HECTD4: variants seen among roughly 807,000 people sequenced by gnomAD.
HECTD4 encodes HECT domain E3 ubiquitin protein ligase 4.
A neutral mutation model predicts 471.5 loss-of-function variants in HECTD4; 114 were observed. The ratio of observed to expected loss-of-function variants is 0.24; its 90% CI spans 0.21 to 0.28. HECTD4 has a LOEUF of 0.28. HECTD4 is among the 10% of genes least tolerant of loss of function. The pLI is 1.00. For synonymous variants in HECTD4, 2,012 were observed against 2,256.0 expected (o/e 0.89, Z 3.07); for missense variants, 3,866 against 5,651.5 (o/e 0.68, Z 10.13).
chr12:112,245,711 T>C (rs76736770), intron 29 of HECTD4, among the ~76,000 whole-genome samples: 2 of 152,242 alleles, frequency 1.3e-5, no homozygotes, highest in South Asian at 2.1e-4. Context: ...ATTTAAGAAC[T>C]TGTTTATTTA....
chr12:112,297,116 G>A lies in HECTD4; in HGVS notation c.1335+8948C>T, dbSNP rs192317153. On this transcript the variant is annotated intron_variant, in intron 7 of 75. Coordinates refer to ENST00000682272, the MANE Select transcript of HECTD4 (RefSeq NM_001388303.1). ...AGGTGCAGAGGGTGTAGGTGCTGTG[G>A]ATGTAGGTGCAGAGGGTGTAGGTAC... 4.4e-3 allele frequency among the ~76,000 whole-genome samples: 305 copies of A among 69,950 alleles called. No homozygotes were observed. In the East Asian group the frequency reaches 0.063, roughly 14 times the overall value. 45.9% of individuals were successfully genotyped at this position (69,950 alleles called of 152,430 possible).
chr12:112,256,726 C>CT (rs1029364106), intron 20 of HECTD4: 2,651 of 332,588 alleles, frequency 8.0e-3, no homozygotes, highest in Middle Eastern at 0.019. Context: ...ATTATACTTG[C>CT]TTTTTTTTTT....
At chr12:112,191,303 G>C (rs2032071614) in intron 59 of HECTD4, among the ~76,000 whole-genome samples, 1 of 152,174 alleles carries the variant, frequency 6.6e-6, no homozygotes, top group African/African-American at 2.4e-5. Context: ...TGCCTCACTG[G>C]GATATTCCCA....
At chr12:112,278,641 C>G (rs1442057427) in intron 9 of HECTD4, among the ~76,000 whole-genome samples, 1 of 152,104 alleles carries the variant, frequency 6.6e-6, no homozygotes, top group East Asian at 1.9e-4. Context: ...GCCTGTAATC[C>G]CAGCACTTTG....
Position 112,184,287 on chromosome 12 carries a change from T to C in HECTD4, c.10679A>G (p.Glu3560Gly). ...GSLGEPLDNA[E>G]TASVSDMGSM... ...GCCCATGTCCGACACCGAGGCCGTC[T>C]CTGCATTGTCCAGGGGCTCCCCCAG... The change falls in exon 61 of 76, where the codon GAG (glutamate) becomes GGG (glycine). Residue 3560 changes from glutamate (E) to glycine (G), a missense_variant. Physicochemically the swap from Glu to Gly is moderately conservative, Grantham distance 98 (BLOSUM62 -2). This residue lies in a region of HECTD4 where 192 missense variants were observed against 189.9 expected (regional missense o/e 1.01). Coordinates refer to ENST00000682272, the MANE Select transcript of HECTD4 (RefSeq NM_001388303.1). The surrounding 1 kb of genome is among the most constrained non-coding windows in gnomAD (Gnocchi z 9.1). The C allele has an allele frequency of 1.2e-6, 2 of 1,613,556 alleles. No individual in the cohort carries two copies. Among genetic ancestry groups the C allele is most frequent in the South Asian group, 2.2e-5 (2 of 91,080 alleles).
At chr12:112,367,486 C>G (rs551785285) in intron 1 of HECTD4, among the ~76,000 whole-genome samples, 1 of 151,994 alleles carries the variant, frequency 6.6e-6, no homozygotes, top group Admixed American at 6.6e-5. Context: ...AGGTTCAGAA[C>G]CCCTGAGGGA....
At chr12:112,206,387 C>T (rs530577765) in intron 52 of HECTD4, among the ~76,000 whole-genome samples, 11 of 152,096 alleles carry the variant, frequency 7.2e-5, no homozygotes, top group East Asian at 5.8e-4. Flanking sequence ...CCCAGGTACT[C>T]GGGAAGCTGA....
At chr12:112,375,227 CA>C (rs1315737164) in intron 1 of HECTD4, among the ~76,000 whole-genome samples, 1 of 152,202 alleles carries the variant, frequency 6.6e-6, no homozygotes, top group African/African-American at 2.4e-5. Flanking sequence ...ACCAACGGTT[CA>C]TTCGTTTTTG....
chr12:112,250,890 A>C, intron 24 of HECTD4, 81 bp downstream of exon 24: 1 of 1,382,312 alleles, frequency 7.2e-7, no homozygotes, highest in Middle Eastern at 1.9e-4. Context: ...ATCACCTGGG[A>C]AATGTACCAA....
At chr12:112,230,637 T>A (rs748371300) in intron 40 of HECTD4, 50 bp downstream of exon 40, 1 of 1,545,328 alleles carries the variant, frequency 6.5e-7, no homozygotes, top group Non-Finnish European at 8.8e-7. Flanking sequence ...ATTCTAATTC[T>A]AATTAGCTTA....
In HECTD4 at chr12:112,273,849, A is replaced by G. The variant is rs118082113; in HGVS notation, c.1802-54T>C. The G allele has an allele frequency of 1.0e-3, 1,608 of 1,589,690 alleles. 29 individuals carry two copies. The East Asian group carries it at 0.022, about 22-fold the overall frequency. ...ACCATGCCACCAGCTACCTGTATAC[A>G]TATTTCTCACAAGCACTGCTACAAA... is the stretch of plus-strand genomic sequence containing the variant. On this transcript the variant is annotated intron_variant, in intron 10 of 75. Transcript: ENST00000682272.
intron 7 of HECTD4, among the ~76,000 whole-genome samples, chr12:112,290,844 G>A (rs1026336995): frequency 5.8e-5 from 7 of 121,602 alleles, no homozygotes; most frequent in African/African-American, 1.4e-4. Context: ...GCGAAACTCC[G>A]TCTCAAAAAA....
chr12:112,247,958 G>T, intron 27 of HECTD4, 109 bp downstream of exon 27: 1 of 722,520 alleles, frequency 1.4e-6, no homozygotes, highest in Non-Finnish European at 2.2e-6. Context: ...AACATTTTAG[G>T]AAATGACATT....
intron 7 of HECTD4, chr12:112,302,496 G>C: frequency 1.4e-6 from 1 of 740,266 alleles, no homozygotes; most frequent in Non-Finnish European, 2.5e-6. Context: ...CTGACATAGC[G>C]GGCCATTTCA....
At chr12:112,231,367 G>A in intron 39 of HECTD4, 146 bp downstream of exon 39, 3 of 711,180 alleles carry the variant, frequency 4.2e-6, no homozygotes, top group Non-Finnish European at 4.9e-6. Context: ...ACTCCAGGCT[G>A]TACCTTGAGT....
chr12:112,216,884 T>A lies in HECTD4; in HGVS notation c.7274A>T (p.Tyr2425Phe), dbSNP rs151140008. 4.4e-4 allele frequency: 713 copies of A among 1,614,006 alleles called. 9 individuals carry two copies. In the East Asian group the frequency reaches 0.014, roughly 32 times the overall value. The change falls in exon 47 of 76, where the codon TAT (tyrosine) becomes TTT (phenylalanine). Residue 2425 changes from tyrosine (Y) to phenylalanine (F), a missense_variant. Tyr to Phe is a conservative substitution (Grantham distance 22). This residue lies in a region of HECTD4 where 617 missense variants were observed against 915.1 expected (regional missense o/e 0.67). Coordinates refer to ENST00000682272, the MANE Select transcript of HECTD4 (RefSeq NM_001388303.1). ...SFYWEIEIVS[Y>F]GDTDDDTGPI... Reference sequence around the variant, plus strand: ...TCCGGTGTCATCATCGGTGTCTCCATAGGAAACGATTTCAATTTCCCAGTA... The same window carrying A: ...TCCGGTGTCATCATCGGTGTCTCCAAAGGAAACGATTTCAATTTCCCAGTA...
Position 112,239,241 on chromosome 12 carries a change from C to A in HECTD4, c.5106-5G>T. 6.2e-7 allele frequency: 1 copy of A among 1,608,534 alleles called. No individual in the cohort carries two copies. Among genetic ancestry groups the A allele is most frequent in the South Asian group, 1.1e-5 (1 of 89,918 alleles). On this transcript the variant is annotated splice_polypyrimidine_tract_variant and splice_region_variant and intron_variant, in intron 33 of 75. Coordinates refer to ENST00000682272, the MANE Select transcript of HECTD4 (RefSeq NM_001388303.1). The surrounding 1 kb of genome is among the most constrained non-coding windows in gnomAD (Gnocchi z 4.9). ...ACCAGGCACTTCTCTTCGCTCCTGA[C>A]AAAGGGTCATGGATTACACTAGATA... is the stretch of plus-strand genomic sequence containing the variant.
At chr12:112,195,492 G>A (rs978795791) in intron 55 of HECTD4, among the ~76,000 whole-genome samples, 11 of 152,178 alleles carry the variant, frequency 7.2e-5, no homozygotes, top group Non-Finnish European at 1.2e-4. Flanking sequence ...TGTTCTCAGT[G>A]AAAGACACCA....
chr12:112,292,877 C>A (rs2034918631), intron 7 of HECTD4, among the ~76,000 whole-genome samples: 1 of 151,546 alleles, frequency 6.6e-6, no homozygotes, highest in Admixed American at 6.6e-5. Flanking sequence ...AAAAATTTAG[C>A]CAGGGGTGGT....
Sources: gnomAD v4.1 joint callset for allele counts (sites outside exome capture counted in the v4.1 genomes callset) on GRCh38, gnomAD v4.1.1 for gene constraint, gnomAD v4.1.1 regional missense constraint, Gnocchi (gnomAD v3.1) non-coding constraint, MANE v1.5 for transcripts, NCBI Gene and HGNC (gene_info 2026-07-23, HGNC 2026-07-21) for gene names.